CHST8: variants seen among roughly 807,000 people sequenced by gnomAD.
The protein encoded by CHST8 is GALNAC-4-ST1.
A neutral mutation model predicts 15.0 loss-of-function variants in CHST8; 10 were observed. The ratio of observed to expected loss-of-function variants is 0.67; its 90% confidence interval spans 0.41 to 1.13. CHST8 has a LOEUF of 1.13. Ranked by LOEUF, CHST8 falls within the 50% of genes most tolerant of loss-of-function variation. CHST8 has a pLI of 0.00. For synonymous variants in CHST8, 259 were observed against 256.6 expected, an observed-to-expected ratio of 1.01 and a Z score of -0.09; for missense variants, 634 against 608.2, an observed-to-expected ratio of 1.04 and a Z score of -0.45.
At chr19:33,672,451 G>A (rs977389899) in intron 2 of CHST8, among the ~76,000 whole-genome samples, 3 of 152,206 alleles carry the variant, frequency 2.0e-5, no homozygotes, top group South Asian at 2.1e-4. Flanking sequence ...CAACTGCCTC[G>A]GCCTCCCAAA....
At chr19:33,653,054 T>C (rs898061181) in intron 1 of CHST8, among the ~76,000 whole-genome samples, 4 of 152,236 alleles carry the variant, frequency 2.6e-5, no homozygotes, top group Non-Finnish European at 5.9e-5. Context: ...CTGTTGATTA[T>C]TTCAACTTAC....
intron 1 of CHST8, among the ~76,000 whole-genome samples, chr19:33,634,677 CAAAAA>C (rs3040761): frequency 0.35 from 18,686 of 53,138 alleles, 1,948 homozygotes; most frequent in East Asian, 0.49. Flanking sequence ...GTCACGAAAC[CAAAAA>C]AAAAAAAAAA....
intron 1 of CHST8, among the ~76,000 whole-genome samples, chr19:33,644,269 G>A (rs1006038314): frequency 6.6e-6 from 1 of 152,144 alleles, no homozygotes; most frequent in African/African-American, 2.4e-5. Context: ...GGTCTTCTGA[G>A]CTGATCCATG....
At chr19:33,649,462 A>G (rs1972405095) in intron 1 of CHST8, among the ~76,000 whole-genome samples, 2 of 152,146 alleles carry the variant, frequency 1.3e-5, no homozygotes, top group South Asian at 4.1e-4. Flanking sequence ...TGAAAACCGA[A>G]AGCAAGCACT....
At chr19:33,745,471 G>A (rs1258558310) in intron 3 of CHST8, among the ~76,000 whole-genome samples, 1 of 152,216 alleles carries the variant, frequency 6.6e-6, no homozygotes, top group South Asian at 2.1e-4. Flanking sequence ...CTCCTTGCTG[G>A]CTGGTTGGCA....
chr19:33,732,209 G>A (rs1306992541), intron 3 of CHST8, among the ~76,000 whole-genome samples: 3 of 152,194 alleles, frequency 2.0e-5, no homozygotes, highest in Non-Finnish European at 2.9e-5. Context: ...TCACTCAGGA[G>A]ATCCTCTTGT....
At chr19:33,674,845 G>T (rs1972789396) in intron 2 of CHST8, among the ~76,000 whole-genome samples, 1 of 152,230 alleles carries the variant, frequency 6.6e-6, no homozygotes, top group African/African-American at 2.4e-5. Context: ...CTGGGGTGAA[G>T]GTTGCCAGGG....
chr19:33,646,680 G>C (rs751143920), intron 1 of CHST8, among the ~76,000 whole-genome samples: 4 of 152,224 alleles, frequency 2.6e-5, no homozygotes, highest in Non-Finnish European at 4.4e-5. Flanking sequence ...TTGTGAGGCT[G>C]AGGCCGGCAG....
chr19:33,639,900 C>T (rs951600250), intron 1 of CHST8, among the ~76,000 whole-genome samples: 1 of 149,070 alleles, frequency 6.7e-6, no homozygotes, highest in Non-Finnish European at 1.5e-5. Flanking sequence ...AGTGCAGTGG[C>T]GCGATCTCGG....
At chr19:33,749,262 C>T (rs2145353556) in intron 3 of CHST8, among the ~76,000 whole-genome samples, 1 of 152,286 alleles carries the variant, frequency 6.6e-6, no homozygotes, top group African/African-American at 2.4e-5. Flanking sequence ...TGAGTTCAAT[C>T]CCTGGCTCAG....
At chr19:33,693,848 T>C (rs1287936417) in intron 3 of CHST8, among the ~76,000 whole-genome samples, 2 of 151,798 alleles carry the variant, frequency 1.3e-5, no homozygotes, top group Admixed American at 6.6e-5. Flanking sequence ...GGCTGTCTTA[T>C]GTTATCAGCC....
At chr19:33,749,906 C>T (rs570234652) in intron 3 of CHST8, among the ~76,000 whole-genome samples, 1 of 152,348 alleles carries the variant, frequency 6.6e-6, no homozygotes, top group East Asian at 1.9e-4. Context: ...CCTCATCGTG[C>T]AGCAGCCATT....
chr19:33,624,879 T>C (rs1972031612), intron 1 of CHST8, among the ~76,000 whole-genome samples: 1 of 152,138 alleles, frequency 6.6e-6, no homozygotes, highest in Admixed American at 6.6e-5. Flanking sequence ...TGGCCCAAGC[T>C]GAGGTCCCTG....
intron 1 of CHST8, among the ~76,000 whole-genome samples, chr19:33,624,703 G>A (rs1972029065): frequency 6.6e-6 from 1 of 152,220 alleles, no homozygotes; most frequent in South Asian, 2.1e-4. Flanking sequence ...CGCGCAGGCT[G>A]CTCCCCTGCT....
At chr19:33,664,416 C>T (rs961297245) in intron 1 of CHST8, among the ~76,000 whole-genome samples, 20 of 141,638 alleles carry the variant, frequency 1.4e-4, no homozygotes, top group Non-Finnish European at 6.1e-5. Flanking sequence ...GGTATATCTC[C>T]CAGTGCTATC....
At chr19:33,644,652 G>A (rs1972327450) in intron 1 of CHST8, among the ~76,000 whole-genome samples, 1 of 152,094 alleles carries the variant, frequency 6.6e-6, no homozygotes, top group Non-Finnish European at 1.5e-5. Context: ...GAGGCGGGAG[G>A]ATCAGTCGAT....
At chr19:33,655,142 T>C (rs1032997847) in intron 1 of CHST8, among the ~76,000 whole-genome samples, 15 of 152,140 alleles carry the variant, frequency 9.9e-5, no homozygotes, top group Non-Finnish European at 1.9e-4. Context: ...GTACAAGCAA[T>C]TCTCATGCCT....
At chr19:33,686,981 C>CTT (rs1248840903) in intron 2 of CHST8, among the ~76,000 whole-genome samples, 3 of 152,366 alleles carry the variant, frequency 2.0e-5, no homozygotes, top group Non-Finnish European at 4.4e-5. Context: ...TTCCTGGTCC[C>CTT]CATCTGAGAG....
At chr19:33,699,405 A>G (rs1973289157) in intron 3 of CHST8, among the ~76,000 whole-genome samples, 1 of 152,150 alleles carries the variant, frequency 6.6e-6, no homozygotes, top group South Asian at 2.1e-4. Context: ...GGGACACTTA[A>G]GGCAGGTTGT....
Sources: gnomAD v4.1 joint callset for allele counts (sites outside exome capture counted in the v4.1 genomes callset) on GRCh38, gnomAD v4.1.1 for gene constraint, MANE v1.5 for transcripts, NCBI Gene and HGNC (gene_info 2026-07-23, HGNC 2026-07-21) for gene names.